OSBPL2: variants seen among roughly 807,000 people sequenced by gnomAD.
OSBPL2 encodes oxysterol binding protein like 2.
In OSBPL2, 18 loss-of-function variants were observed where a neutral mutation model predicts 58.4. That is an observed-to-expected ratio of 0.31 (90% CI 0.21 to 0.46). OSBPL2 has a LOEUF of 0.46. Among genes scored for constraint, OSBPL2 ranks in the 20% least tolerant of loss-of-function variants. The pLI, the probability that OSBPL2 is intolerant of heterozygous loss-of-function variation, is 1.00. For missense variants in OSBPL2, 461 were observed against 616.5 expected, an observed-to-expected ratio of 0.75 and a Z score of 2.67; for synonymous variants, 221 against 234.1, an observed-to-expected ratio of 0.94 and a Z score of 0.51.
At chr20:62,273,551 G>A (rs1568842919) in intron 6 of OSBPL2, 145 bp downstream of exon 6, 2 of 691,776 alleles carry the variant, frequency 2.9e-6, no homozygotes, top group South Asian at 3.8e-5. Flanking sequence ...TTTGGATGCT[G>A]TAGGCGAGAT....
At chr20:62,292,218 C>G (rs1233004437) in intron 13 of OSBPL2, among the ~76,000 whole-genome samples, 1 of 152,220 alleles carries the variant, frequency 6.6e-6, no homozygotes, top group East Asian at 1.9e-4. Context: ...TGACTGCTCC[C>G]TTTAGGAAAA....
intron 1 of OSBPL2, among the ~76,000 whole-genome samples, chr20:62,243,964 C>T (rs1305295638): frequency 2.0e-5 from 3 of 151,952 alleles, no homozygotes; most frequent in African/African-American, 4.8e-5. Flanking sequence ...TTGGCAGCCA[C>T]GTGGGCAGGT....
intron 2 of OSBPL2, among the ~76,000 whole-genome samples, 156 bp from the exon 3 acceptor site, chr20:62,259,825 T>A (rs542071953): frequency 5.5e-4 from 84 of 152,306 alleles, no homozygotes; most frequent in Non-Finnish European, 6.5e-4. Context: ...CTGTACCGTG[T>A]CTGCTTCTGG....
chr20:62,241,637 T>C (rs1979746931), intron 1 of OSBPL2, among the ~76,000 whole-genome samples: 1 of 152,232 alleles, frequency 6.6e-6, no homozygotes, highest in Non-Finnish European at 1.5e-5. Context: ...GGCTCTTGGG[T>C]CCTGGGTGGG....
intron 1 of OSBPL2, among the ~76,000 whole-genome samples, chr20:62,249,510 C>T (rs570573535): frequency 2.8e-4 from 42 of 152,332 alleles, no homozygotes; most frequent in African/African-American, 9.1e-4. Flanking sequence ...TCTGTATATT[C>T]CTCAACTTTG....
intron 1 of OSBPL2, among the ~76,000 whole-genome samples, chr20:62,241,175 AT>A (rs1033948002): frequency 5.5e-4 from 81 of 146,702 alleles, no homozygotes; most frequent in South Asian, 4.3e-4. Flanking sequence ...GGGTCTTGGA[AT>A]TTTTTTTTTT....
At position 62,292,719 on chromosome 20, in the gene OSBPL2, A is replaced by G. The variant is rs36103308; in HGVS notation, c.1340+926A>G. ...TGGTAGGATTCGTTCTCAAGGCCCA[A>G]CAACAATGATACCCGGTGGCTTACA... On this transcript the variant is annotated intron_variant, in intron 13 of 13. Coordinates refer to ENST00000313733, the MANE Select transcript of OSBPL2 (RefSeq NM_144498.4). Among the ~76,000 whole-genome samples, 929 of 152,294 alleles carry G rather than the reference A, an allele frequency of 6.1e-3. 3 individuals are homozygous for G. The highest frequency in any genetic ancestry group is 9.4e-3 in the Non-Finnish European group (637 of 68,020).
intron 4 of OSBPL2, among the ~76,000 whole-genome samples, chr20:62,267,658 A>G (rs1291715019): frequency 6.6e-6 from 1 of 152,146 alleles, no homozygotes; most frequent in African/African-American, 2.4e-5. Flanking sequence ...CTGCGGCCTC[A>G]TGTCTGCGTC....
chr20:62,243,015 C>G (rs933823855), intron 1 of OSBPL2, among the ~76,000 whole-genome samples: 1 of 152,276 alleles, frequency 6.6e-6, no homozygotes, highest in South Asian at 2.1e-4. Flanking sequence ...CAAGGCTGAT[C>G]GTGAGAAAGA....
chr20:62,253,825 CTT>C (rs542110088), intron 1 of OSBPL2, among the ~76,000 whole-genome samples: 170 of 150,922 alleles, frequency 1.1e-3, no homozygotes, highest in African/African-American at 4.1e-3. Context: ...GGGTTTCACT[CTT>C]GTTGCCCAGG....
At chr20:62,250,812 C>T (rs938060351) in intron 1 of OSBPL2, among the ~76,000 whole-genome samples, 1 of 152,098 alleles carries the variant, frequency 6.6e-6, no homozygotes, top group Non-Finnish European at 1.5e-5. Context: ...GTGGTCCCAG[C>T]TACTCAGGAG....
intron 6 of OSBPL2, 144 bp from the exon 7 acceptor site, chr20:62,279,013 G>A: frequency 1.6e-6 from 1 of 638,078 alleles, no homozygotes; most frequent in Non-Finnish European, 2.7e-6. Flanking sequence ...CGGAGAGGTG[G>A]TGTTGGGTGT....
At chr20:62,264,243 G>A (rs1036236929) in intron 4 of OSBPL2, among the ~76,000 whole-genome samples, 1 of 152,186 alleles carries the variant, frequency 6.6e-6, no homozygotes, top group Non-Finnish European at 1.5e-5. Flanking sequence ...TGAGGTGGGT[G>A]GGGCTTCCGT....
At chr20:62,254,836 C>T (rs1157177547) in intron 1 of OSBPL2, among the ~76,000 whole-genome samples, 2 of 152,152 alleles carry the variant, frequency 1.3e-5, no homozygotes, top group Admixed American at 6.5e-5. Context: ...GAGCTAAGGT[C>T]GTTGTGAGAA....
At chr20:62,273,173 C>T (rs528070444) in intron 5 of OSBPL2, 136 bp from the exon 6 acceptor site, 2 of 713,738 alleles carry the variant, frequency 2.8e-6, no homozygotes, top group Admixed American at 2.7e-5. Flanking sequence ...AGACACACTG[C>T]TCGGGGAAAA....
intron 13 of OSBPL2, among the ~76,000 whole-genome samples, chr20:62,292,958 CT>C (rs1239522231): frequency 2.0e-5 from 3 of 151,806 alleles, no homozygotes; most frequent in Non-Finnish European, 2.9e-5. Flanking sequence ...AGCTCCGCCC[CT>C]CCGGGTTCAC....
chr20:62,250,210 A>G (rs147003960), intron 1 of OSBPL2, among the ~76,000 whole-genome samples: 63 of 152,366 alleles, frequency 4.1e-4, no homozygotes, highest in Middle Eastern at 3.4e-3. Flanking sequence ...GTTGTCTTGC[A>G]TAGTCATCTG....
intron 4 of OSBPL2, among the ~76,000 whole-genome samples, chr20:62,267,282 G>T (rs1981743191): frequency 6.6e-6 from 1 of 152,154 alleles, no homozygotes; most frequent in Admixed American, 6.6e-5. Flanking sequence ...CAGAGTCTGG[G>T]TCCACTAACT....
intron 1 of OSBPL2, among the ~76,000 whole-genome samples, chr20:62,249,608 T>C (rs1365205335): frequency 2.0e-5 from 3 of 152,270 alleles, no homozygotes; most frequent in Admixed American, 2.0e-4. Context: ...ATAAACAGCC[T>C]CTGTCGCCCA....
Sources: gnomAD v4.1 joint callset for allele counts (sites outside exome capture counted in the v4.1 genomes callset) on GRCh38, gnomAD v4.1.1 for gene constraint, MANE v1.5 for transcripts, NCBI Gene and HGNC (gene_info 2026-07-23, HGNC 2026-07-21) for gene names.